CDH19: variants seen among roughly 807,000 people sequenced by gnomAD.
CDH19 encodes the protein cadherin-19.
A neutral mutation model predicts 64.2 loss-of-function variants in CDH19; 67 were observed. The observed-to-expected ratio is 1.04, with a 90% confidence interval of 0.86 to 1.28. The LOEUF is 1.28. Among genes scored for constraint, CDH19 ranks in the 50% most tolerant of loss-of-function variants. The pLI, the probability that CDH19 is intolerant of heterozygous loss-of-function variation, is 0.00. For missense variants in CDH19, 1,030 were observed against 929.0 expected, an observed-to-expected ratio of 1.11 and a Z score of -1.41; for synonymous variants, 346 against 319.3, an observed-to-expected ratio of 1.08 and a Z score of -0.89.
chr18:66,558,613 AT>A (rs1319377737), intron 3 of CDH19, among the ~76,000 whole-genome samples: 1 of 152,146 alleles, frequency 6.6e-6, no homozygotes, highest in Admixed American at 6.6e-5. Context: ...AAATATTTAT[AT>A]TTTTATAAAG....
At chr18:66,594,220 T>C (rs1988820026) in intron 1 of CDH19, among the ~76,000 whole-genome samples, 1 of 152,140 alleles carries the variant, frequency 6.6e-6, no homozygotes, top group African/African-American at 2.4e-5. Flanking sequence ...TTAATTATAC[T>C]AAATATATAT....
At position 66,511,672 on chromosome 18, in the gene CDH19, A is replaced by C. The variant is rs1461172254; in HGVS notation, c.1472T>G (p.Ile491Ser). 17 of 1,519,036 alleles carry C rather than the reference A, an allele frequency of 1.1e-5. No homozygotes were observed. Among genetic ancestry groups the C allele is most frequent in the Non-Finnish European group, 1.5e-5 (17 of 1,099,638 alleles). 94.1% of individuals were successfully genotyped at this position (1,519,036 alleles called of 1,614,324 possible). ...GGATTCATCTCTATCCACTGCACTG[A>C]TAGTCTGAATTACCTAAAAAAAAAG... Reference protein sequence around the residue: ...NAGSGQVIQTISAVDRDESIE... With the variant: ...NAGSGQVIQTSSAVDRDESIE... The change falls in exon 10 of 12, where the codon ATC becomes AGC. Residue 491 changes from isoleucine (I) to serine (S), a missense_variant. By Grantham distance (142) the Ile-to-Ser change is moderately radical. Coordinates refer to ENST00000262150, the MANE Select transcript of CDH19 (RefSeq NM_021153.4).
chr18:66,552,201 C>T (rs1250184883), intron 4 of CDH19, among the ~76,000 whole-genome samples: 1 of 151,694 alleles, frequency 6.6e-6, no homozygotes, highest in Non-Finnish European at 1.5e-5. Flanking sequence ...CATTTACGCC[C>T]TGAACCTAAA....
chr18:66,546,545 T>C (rs1987124824), intron 5 of CDH19, among the ~76,000 whole-genome samples: 1 of 152,204 alleles, frequency 6.6e-6, no homozygotes, highest in Non-Finnish European at 1.5e-5. Context: ...AAAATTATTT[T>C]ATTGAACATA....
intron 7 of CDH19, among the ~76,000 whole-genome samples, chr18:66,539,576 A>G (rs1419539228): frequency 1.3e-5 from 2 of 151,998 alleles, no homozygotes; most frequent in Non-Finnish European, 2.9e-5. Flanking sequence ...TTTATATGAA[A>G]CTATTTTAAT....
At chr18:66,585,814 T>G (rs1378461883) in intron 1 of CDH19, among the ~76,000 whole-genome samples, 1 of 152,156 alleles carries the variant, frequency 6.6e-6, no homozygotes, top group Non-Finnish European at 1.5e-5. Flanking sequence ...TCATTATTTT[T>G]TTTCTAAGCA....
chr18:66,548,360 T>C (rs960103125), intron 5 of CDH19, among the ~76,000 whole-genome samples: 2 of 119,392 alleles, frequency 1.7e-5, no homozygotes, highest in African/African-American at 7.4e-5. Context: ...ATATTTAATA[T>C]GAGGTTCTCA....
intron 3 of CDH19, among the ~76,000 whole-genome samples, chr18:66,554,845 C>G (rs972984312): frequency 2.6e-5 from 4 of 151,588 alleles, no homozygotes; most frequent in Non-Finnish European, 5.9e-5. Flanking sequence ...TAAACTTTTC[C>G]AAGGTGTATT....
At chr18:66,568,011 A>G (rs923147845) in intron 3 of CDH19, among the ~76,000 whole-genome samples, 9 of 151,822 alleles carry the variant, frequency 5.9e-5, no homozygotes, top group Non-Finnish European at 1.2e-4. Flanking sequence ...GATGTATACA[A>G]TAGAGTCTAA....
intron 9 of CDH19, among the ~76,000 whole-genome samples, chr18:66,519,442 T>C (rs1985886461): frequency 6.6e-6 from 1 of 152,216 alleles, no homozygotes; most frequent in African/African-American, 2.4e-5. Flanking sequence ...ATGGTTAGGA[T>C]ATTATCATCT....
At chr18:66,542,034 AAC>A (rs1301483194) in intron 7 of CDH19, among the ~76,000 whole-genome samples, 2 of 152,312 alleles carry the variant, frequency 1.3e-5, no homozygotes, top group East Asian at 1.9e-4. Flanking sequence ...TCCTAAAATT[AAC>A]AGTTTTCAAT....
At chr18:66,594,503 A>C (rs915068382) in intron 1 of CDH19, among the ~76,000 whole-genome samples, 22 of 151,968 alleles carry the variant, frequency 1.4e-4, no homozygotes, top group African/African-American at 4.8e-4. Flanking sequence ...AAAATCAACC[A>C]CACACTTGGC....
intron 1 of CDH19, among the ~76,000 whole-genome samples, chr18:66,603,452 T>A (rs1989086789): frequency 6.6e-6 from 1 of 151,448 alleles, no homozygotes; most frequent in African/African-American, 2.4e-5. Flanking sequence ...ATGCTAATAT[T>A]TTAATTTTTT....
Position 66,502,743 on chromosome 18 carries a change from T to G in CDH19, c.*2069A>C, listed in dbSNP as rs1263498287. The G allele has an allele frequency of 1.3e-5, 2 of 151,904 alleles. No individual in the cohort carries two copies. The highest frequency in any genetic ancestry group is 2.9e-5 in the Non-Finnish European group (2 of 67,846). 9.4% of individuals were successfully genotyped at this position (151,904 alleles called of 1,614,324 possible). A position where few individuals can be genotyped will look rare whatever the true frequency, so the allele number is the denominator to read the frequency against. On this transcript the variant is annotated 3_prime_UTR_variant, in exon 12 of 12. Coordinates refer to ENST00000262150, the MANE Select transcript of CDH19 (RefSeq NM_021153.4). Reference sequence around the variant, plus strand: ...AATTTTTGCTCCTTTAAATTTTCTCTTGTTTGGTATTTTTCCTCTTTCCTA... The same window carrying G: ...AATTTTTGCTCCTTTAAATTTTCTCGTGTTTGGTATTTTTCCTCTTTCCTA...
In CDH19 at chr18:66,567,370, G is replaced by A. The variant is rs547054996; in HGVS notation, c.490+1046C>T. ...AGTAGAAGGTGGAGAAGGGGGAGGA[G>A]GAGAGGGAGGGATGAGGAAGGTGAA... is the stretch of plus-strand genomic sequence containing the variant. On this transcript the variant is annotated intron_variant, in intron 3 of 11. Transcript: ENST00000262150. Among the ~76,000 whole-genome samples, 4 of 151,568 alleles carry A rather than the reference G, an allele frequency of 2.6e-5. No homozygotes were observed. In the South Asian group the frequency reaches 8.3e-4, roughly 31 times the overall value.
intron 7 of CDH19, among the ~76,000 whole-genome samples, chr18:66,542,714 C>G (rs1213415039): frequency 6.6e-6 from 1 of 151,988 alleles, no homozygotes; most frequent in Non-Finnish European, 1.5e-5. Context: ...TGAGGGCAGG[C>G]GAGCCAGCCT....
intron 9 of CDH19, among the ~76,000 whole-genome samples, chr18:66,519,937 G>A (rs1985906519): frequency 6.6e-6 from 1 of 152,102 alleles, no homozygotes; most frequent in South Asian, 2.1e-4. Flanking sequence ...TGTAATCCCA[G>A]CACTTTGGGA....
At chr18:66,506,881 C>T (rs1340530680) in intron 11 of CDH19, among the ~76,000 whole-genome samples, 6 of 151,798 alleles carry the variant, frequency 4.0e-5, no homozygotes, top group Admixed American at 3.9e-4. Context: ...AATAAGGTCA[C>T]CATATTTGCA....
chr18:66,566,753 C>T (rs147235660), intron 3 of CDH19, among the ~76,000 whole-genome samples: 57 of 152,002 alleles, frequency 3.7e-4, no homozygotes, highest in Middle Eastern at 3.4e-3. Flanking sequence ...CTTCCTACAA[C>T]GCTTGCCAAT....
Sources: gnomAD v4.1 joint callset for allele counts (sites outside exome capture counted in the v4.1 genomes callset) on GRCh38, gnomAD v4.1.1 for gene constraint, MANE v1.5 for transcripts, NCBI Gene and HGNC (gene_info 2026-07-23, HGNC 2026-07-21) for gene names.